The following WWOX variants were observed in gnomAD, a reference collection of about 807,000 sequenced individuals.
WWOX encodes WW domain containing oxidoreductase, also known as WW domain-containing oxidoreductase.
Under a neutral mutation model 46.2 loss-of-function variants are expected in WWOX, and 69 were observed. The observed-to-expected ratio is 1.49, with a 90% CI of 1.23 to 1.82. WWOX has a LOEUF of 1.82. WWOX is among the 40% of genes most tolerant of loss of function. WWOX has a pLI of 0.00. For missense variants in WWOX, 919 were observed against 542.6 expected, an observed-to-expected ratio of 1.69 and a Z score of -6.89; for synonymous variants, 359 against 202.6, an observed-to-expected ratio of 1.77 and a Z score of -6.56.
At chr16:78,433,777 CTTTTTTTTTTTTTT>C (rs547236644) in intron 8 of WWOX, among the ~76,000 whole-genome samples, 9 of 84,374 alleles carry the variant, frequency 1.1e-4, no homozygotes, top group African/African-American at 3.2e-4. Flanking sequence ...TTGGGGATGA[CTTTTTTTTTTTTTT>C]TTTTTTTTTT....
At chr16:78,312,777 A>G (rs982031201) in intron 5 of WWOX, among the ~76,000 whole-genome samples, 11 of 152,220 alleles carry the variant, frequency 7.2e-5, no homozygotes, top group Admixed American at 6.5e-5. Context: ...TGTGCTTAGA[A>G]GTTCATGCCA....
intron 8 of WWOX, among the ~76,000 whole-genome samples, chr16:79,197,309 T>G (rs775742618): frequency 1.3e-5 from 2 of 152,166 alleles, no homozygotes; most frequent in Non-Finnish European, 2.9e-5. Context: ...ATTCCACAGG[T>G]CATCACCAAG....
chr16:78,468,788 A>G (rs1391707549), intron 8 of WWOX, among the ~76,000 whole-genome samples: 1 of 152,166 alleles, frequency 6.6e-6, no homozygotes, highest in African/African-American at 2.4e-5. Flanking sequence ...TACAGCAACA[A>G]TCTATATTCT....
intron 8 of WWOX, among the ~76,000 whole-genome samples, chr16:78,801,179 G>C (rs866907220): frequency 1.3e-4 from 20 of 151,728 alleles, no homozygotes; most frequent in African/African-American, 3.1e-4. Flanking sequence ...CATCTCAAGT[G>C]GTTTCTACCT....
Position 78,589,796 on chromosome 16 carries a change from C to T in WWOX, c.1056+157044C>T, listed in dbSNP as rs141942365. 7.9e-3 allele frequency among the ~76,000 whole-genome samples: 1,207 copies of T among 152,230 alleles called. 11 individuals are homozygous for T. The highest frequency in any genetic ancestry group is 0.027 in the African/African-American group (1,110 of 41,522). ...TGGTCATCTCTCTGCTGGCTTTTTC[C>T]CCCTTTTTTCTCCCTTCTGTAGAAT... On this transcript the variant is annotated intron_variant, in intron 8 of 8. Coordinates refer to ENST00000566780, the MANE Select transcript of WWOX (RefSeq NM_016373.4).
intron 8 of WWOX, among the ~76,000 whole-genome samples, chr16:79,200,762 A>G (rs1193683786): frequency 1.3e-5 from 2 of 152,160 alleles, no homozygotes; most frequent in Non-Finnish European, 2.9e-5. Context: ...AAATGGTGAA[A>G]GGACTGGCAA....
chr16:78,101,014 G>T (rs1046507044), intron 1 of WWOX, among the ~76,000 whole-genome samples: 1 of 151,824 alleles, frequency 6.6e-6, no homozygotes, highest in Non-Finnish European at 1.5e-5. Flanking sequence ...TTTTGTAAGA[G>T]CCTTTTTCTG....
intron 8 of WWOX, among the ~76,000 whole-genome samples, chr16:78,822,541 A>G (rs1180222203): frequency 1.3e-5 from 2 of 152,256 alleles, no homozygotes; most frequent in South Asian, 2.1e-4. Flanking sequence ...TTGAACCAAT[A>G]AAAATTCCCA....
intron 8 of WWOX, among the ~76,000 whole-genome samples, chr16:79,207,746 T>C (rs2051566907): frequency 2.6e-5 from 4 of 152,146 alleles, no homozygotes. Flanking sequence ...AGTATTATAT[T>C]AGAGTACTAA....
At chr16:78,867,514 G>GTA (rs2044031185) in intron 8 of WWOX, among the ~76,000 whole-genome samples, 1 of 145,880 alleles carries the variant, frequency 6.9e-6, no homozygotes, top group African/African-American at 2.5e-5. Context: ...GTGTGTGTAT[G>GTA]TGTGTGTGTT....
At chr16:78,287,812 A>G (rs1221930860) in intron 5 of WWOX, among the ~76,000 whole-genome samples, 1 of 152,202 alleles carries the variant, frequency 6.6e-6, no homozygotes, top group Admixed American at 6.5e-5. Flanking sequence ...TTTTTTTAAG[A>G]TCAATTATGT....
At chr16:78,795,737 C>G (rs969590194) in intron 8 of WWOX, among the ~76,000 whole-genome samples, 6 of 152,090 alleles carry the variant, frequency 3.9e-5, no homozygotes, top group African/African-American at 1.4e-4. Flanking sequence ...ATTTCTCAAC[C>G]TCAGGTTTTT....
intron 8 of WWOX, among the ~76,000 whole-genome samples, chr16:78,963,987 TGTA>T (rs2046320227): frequency 6.6e-6 from 1 of 152,166 alleles, no homozygotes. Context: ...GCCACCACCA[TGTA>T]AGAAGTGCCT....
chr16:78,739,840 C>T (rs908307126), intron 8 of WWOX, among the ~76,000 whole-genome samples: 2 of 152,014 alleles, frequency 1.3e-5, no homozygotes, highest in Non-Finnish European at 2.9e-5. Flanking sequence ...AAACAAAAAC[C>T]CCAGATATTC....
chr16:78,254,892 C>G (rs1428850513), intron 5 of WWOX, among the ~76,000 whole-genome samples: 1 of 152,166 alleles, frequency 6.6e-6, no homozygotes, highest in Non-Finnish European at 1.5e-5. Context: ...CAGCCCCAGT[C>G]AGGGTTGTTG....
chr16:78,594,950 G>A (rs2045451745), intron 8 of WWOX, among the ~76,000 whole-genome samples: 1 of 152,200 alleles, frequency 6.6e-6, no homozygotes, highest in South Asian at 2.1e-4. Context: ...CAGGAAAGCA[G>A]TGATTTCCTT....
intron 5 of WWOX, among the ~76,000 whole-genome samples, chr16:78,337,090 T>TAA: frequency 6.6e-6 from 1 of 152,124 alleles, no homozygotes; most frequent in Admixed American, 6.6e-5. Flanking sequence ...CCTAGGATAA[T>TAA]CTTAATTTTA....
At chr16:78,896,967 C>G (rs533202860) in intron 8 of WWOX, 2 of 151,804 alleles carry the variant, frequency 1.3e-5, no homozygotes, top group Non-Finnish European at 2.9e-5. Flanking sequence ...GTGGATCATG[C>G]TTGTAATCGC....
intron 8 of WWOX, among the ~76,000 whole-genome samples, chr16:78,619,186 T>A (rs1235815666): frequency 0.042 from 939 of 22,558 alleles, 297 homozygotes; most frequent in African/African-American, 0.07. Flanking sequence ...TATATATATA[T>A]ATATATATAT....
Sources: gnomAD v4.1 joint callset for allele counts (sites outside exome capture counted in the v4.1 genomes callset) on GRCh38, gnomAD v4.1.1 for gene constraint, MANE v1.5 for transcripts, NCBI Gene and HGNC (gene_info 2026-07-23, HGNC 2026-07-21) for gene names.